Variants in JAKMIP2 observed in about 807,000 individuals in gnomAD.
JAKMIP2 encodes the protein janus kinase and microtubule-interacting protein 2.
In JAKMIP2, 25 loss-of-function variants were observed where a neutral mutation model predicts 115.0. The ratio of observed to expected loss-of-function variants is 0.22; its 90% confidence interval spans 0.16 to 0.30. JAKMIP2 has a LOEUF of 0.30. Ranked by LOEUF, JAKMIP2 falls within the 10% of genes least tolerant of loss-of-function variation. The pLI is 1.00. For synonymous variants in JAKMIP2, 334 were observed against 343.6 expected, an observed-to-expected ratio of 0.97 and a Z score of 0.31; for missense variants, 642 against 957.6, an observed-to-expected ratio of 0.67 and a Z score of 4.35.
Position 147,721,107 on chromosome 5 carries a change from C to T in JAKMIP2, c.-148-49153G>A, listed in dbSNP as rs1054248257. Reference sequence around the variant, plus strand: ...CTGCAGGTCTGTTGGAGTACCCTGCCATGTGAGGTGTCAGTGTGCCCCTGC... The same window carrying T: ...CTGCAGGTCTGTTGGAGTACCCTGCTATGTGAGGTGTCAGTGTGCCCCTGC... On this transcript the variant is annotated intron_variant, in intron 1 of 21. Transcript: ENST00000616793. Among the ~76,000 whole-genome samples the T allele has an allele frequency of 1.7e-4, 26 of 151,926 alleles. No homozygotes were observed. In the East Asian group the frequency reaches 3.5e-3, roughly 20 times the overall value.
intron 1 of JAKMIP2, among the ~76,000 whole-genome samples, chr5:147,702,664 G>GAAAGAAAGAA (rs751253168): frequency 4.0e-5 from 4 of 101,094 alleles, no homozygotes; most frequent in Admixed American, 1.1e-4. Context: ...AAGAAAGAAA[G>GAAAGAAAGAA]AGAGAGAAAG....
chr5:147,657,927 C>T (rs560456527), intron 3 of JAKMIP2, among the ~76,000 whole-genome samples: 104 of 152,160 alleles, frequency 6.8e-4, no homozygotes, highest in African/African-American at 2.4e-3. Flanking sequence ...AGGTTCTTAG[C>T]TTCCTTGCAT....
intron 1 of JAKMIP2, among the ~76,000 whole-genome samples, chr5:147,706,149 G>T (rs899543477): frequency 6.6e-5 from 10 of 152,124 alleles, no homozygotes; most frequent in Admixed American, 6.6e-4. Context: ...GGAATATCAT[G>T]CAGATATCGG....
intron 1 of JAKMIP2, among the ~76,000 whole-genome samples, chr5:147,691,308 C>G (rs72835145): frequency 0.097 from 14,796 of 152,168 alleles, 918 homozygotes; most frequent in Non-Finnish European, 0.14. Context: ...CTCACCTCCT[C>G]CACGGTACAC....
At chr5:147,655,156 G>C (rs1581362797) in intron 3 of JAKMIP2, among the ~76,000 whole-genome samples, 1 of 152,138 alleles carries the variant, frequency 6.6e-6, no homozygotes, top group Non-Finnish European at 1.5e-5. Flanking sequence ...ATATTGGCCT[G>C]AAGTTTTCTT....
chr5:147,628,181 C>A (rs1735105065), intron 16 of JAKMIP2, among the ~76,000 whole-genome samples: 1 of 152,176 alleles, frequency 6.6e-6, no homozygotes, highest in African/African-American at 2.4e-5. Context: ...ACCATCCAGC[C>A]AGGCTTTATG....
intron 1 of JAKMIP2, among the ~76,000 whole-genome samples, chr5:147,702,169 G>T (rs569906995): frequency 2.6e-4 from 39 of 152,190 alleles, no homozygotes; most frequent in African/African-American, 9.4e-4. Context: ...TTTTACTGGG[G>T]TTGATGGAAT....
At chr5:147,757,406 G>A (rs1205290773) in intron 1 of JAKMIP2, among the ~76,000 whole-genome samples, 1 of 152,084 alleles carries the variant, frequency 6.6e-6, no homozygotes, top group African/African-American at 2.4e-5. Context: ...ATGATTAAAT[G>A]TGGTCCTTAA....
chr5:147,681,671 A>G (rs562271426), intron 1 of JAKMIP2, among the ~76,000 whole-genome samples: 31 of 152,124 alleles, frequency 2.0e-4, no homozygotes, highest in Non-Finnish European at 3.8e-4. Context: ...GCAATTTAAT[A>G]CAGTGTGATA....
rs888945831 is a variant in JAKMIP2, at chr5:147,715,824, T to C, written c.-148-43870A>G. Among the ~76,000 whole-genome samples the C allele has an allele frequency of 8.1e-5, 12 of 148,274 alleles. No homozygotes were observed. The East Asian group carries it at 1.9e-3, about 23-fold the overall frequency. On this transcript the variant is annotated intron_variant, in intron 1 of 21. Transcript: ENST00000616793. ...TGTTTTAAAATTATATTTCTTTTTT[T>C]TTTTTTGGCCAATTTACTTTCTTTT...
intron 9 of JAKMIP2, 40 bp from the exon 10 acceptor site, chr5:147,639,800 T>C (rs1296744793): frequency 3.7e-6 from 6 of 1,602,924 alleles, no homozygotes; most frequent in Admixed American, 1.7e-5. Context: ...AATTGTGTTA[T>C]GTTCAGGTCC....
chr5:147,613,969 T>C (rs1756451045), intron 19 of JAKMIP2, among the ~76,000 whole-genome samples: 1 of 152,236 alleles, frequency 6.6e-6, no homozygotes, highest in Non-Finnish European at 1.5e-5. Flanking sequence ...ATTTCCATAG[T>C]GCTGTCAGTG....
intron 19 of JAKMIP2, among the ~76,000 whole-genome samples, chr5:147,613,075 G>A (rs1250587327): frequency 1.3e-5 from 2 of 152,178 alleles, no homozygotes; most frequent in South Asian, 2.1e-4. Flanking sequence ...TCCTAAAGAT[G>A]AAAAGTTCCA....
chr5:147,661,692 A>T (rs1758986330), intron 2 of JAKMIP2: 2 of 455,614 alleles, frequency 4.4e-6, no homozygotes, highest in Admixed American at 7.9e-5. Context: ...GGGCCTTACT[A>T]TGCAATGTGT....
intron 1 of JAKMIP2, among the ~76,000 whole-genome samples, chr5:147,722,798 T>C (rs10072278): frequency 0.023 from 3,487 of 152,294 alleles, 149 homozygotes; most frequent in African/African-American, 0.079. Flanking sequence ...GTAATTAATG[T>C]TCTTAAAAAG....
chr5:147,682,050 AAAAG>A (rs768691396), intron 1 of JAKMIP2, among the ~76,000 whole-genome samples: 2 of 148,938 alleles, frequency 1.3e-5, no homozygotes, highest in Admixed American at 1.3e-4. Context: ...AAAAAAAAAA[AAAAG>A]AAAGAAAAAT....
At chr5:147,604,069 T>C (rs1330662150) in intron 20 of JAKMIP2, among the ~76,000 whole-genome samples, 1 of 152,126 alleles carries the variant, frequency 6.6e-6, no homozygotes, top group African/African-American at 2.4e-5. Flanking sequence ...GAGCTGGCCA[T>C]TCACAAGTGT....
chr5:147,769,656 T>C (rs925380449), intron 1 of JAKMIP2, among the ~76,000 whole-genome samples: 2 of 152,070 alleles, frequency 1.3e-5, no homozygotes, highest in Admixed American at 6.6e-5. Flanking sequence ...AATTATATCA[T>C]TGGGTTTCAA....
At chr5:147,603,954 C>A (rs983702246) in intron 20 of JAKMIP2, among the ~76,000 whole-genome samples, 1 of 151,962 alleles carries the variant, frequency 6.6e-6, no homozygotes, top group African/African-American at 2.4e-5. Context: ...TGGATGGGGA[C>A]TGAATGGGTA....
Sources: gnomAD v4.1 joint callset for allele counts (sites outside exome capture counted in the v4.1 genomes callset) on GRCh38, gnomAD v4.1.1 for gene constraint, MANE v1.5 for transcripts, NCBI Gene and HGNC (gene_info 2026-07-23, HGNC 2026-07-21) for gene names.